The following MDGA2 variants were observed in gnomAD, a reference collection of about 807,000 sequenced individuals.
MDGA2 encodes the protein MAM domain containing glycosylphosphatidylinositol anchor 2.
MDGA2 carries 40 observed loss-of-function variants against 117.8 expected under a neutral mutation model. The ratio of observed to expected loss-of-function variants is 0.34; its 90% confidence interval spans 0.26 to 0.44. MDGA2 has a LOEUF of 0.44. MDGA2 is among the 20% of genes least tolerant of loss of function. MDGA2 has a pLI of 1.00. For synonymous variants in MDGA2, 452 were observed against 439.0 expected (o/e 1.03, Z -0.37); for missense variants, 1,123 against 1,250.6 (o/e 0.90, Z 1.54).
chr14:47,596,115 C>T (rs1390944067), intron 1 of MDGA2, among the ~76,000 whole-genome samples: 1 of 152,070 alleles, frequency 6.6e-6, no homozygotes, highest in East Asian at 1.9e-4. Flanking sequence ...ATATTTTCAC[C>T]GTGAGGGTAG....
chr14:47,338,004 G>C (rs899977993), intron 1 of MDGA2, among the ~76,000 whole-genome samples: 1 of 151,976 alleles, frequency 6.6e-6, no homozygotes, highest in Non-Finnish European at 1.5e-5. Context: ...TACATAGTCT[G>C]ATTTTCCCTT....
At chr14:47,542,764 G>A (rs770431978) in intron 1 of MDGA2, among the ~76,000 whole-genome samples, 1 of 152,142 alleles carries the variant, frequency 6.6e-6, no homozygotes, top group East Asian at 1.9e-4. Context: ...ATTCTAAGGT[G>A]CTATTATAAA....
intron 15 of MDGA2, 90 bp from the exon 16 acceptor site, chr14:46,845,961 G>A: frequency 1.1e-6 from 1 of 899,564 alleles, no homozygotes; most frequent in South Asian, 1.5e-5. Context: ...AAATAAACTT[G>A]TCAGTAATCC....
intron 6 of MDGA2, 117 bp from the exon 7 acceptor site, chr14:47,061,695 T>C (rs1338019736): frequency 3.6e-6 from 3 of 839,092 alleles, no homozygotes; most frequent in African/African-American, 3.4e-5. Context: ...AGTGTACATA[T>C]ATTTCTTTTT....
intron 14 of MDGA2, among the ~76,000 whole-genome samples, chr14:46,865,647 G>T (rs1881725176): frequency 6.6e-6 from 1 of 151,958 alleles, no homozygotes; most frequent in Non-Finnish European, 1.5e-5. Flanking sequence ...AAACCCCATT[G>T]TCTCAGCCCA....
chr14:46,948,080 G>A (rs528088376), intron 9 of MDGA2, among the ~76,000 whole-genome samples: 15 of 151,956 alleles, frequency 9.9e-5, no homozygotes, highest in African/African-American at 3.1e-4. Context: ...TATATCAACT[G>A]TTACATTTTT....
intron 2 of MDGA2, among the ~76,000 whole-genome samples, chr14:47,230,062 A>G (rs896926257): frequency 2.0e-5 from 3 of 152,088 alleles, no homozygotes; most frequent in Admixed American, 2.0e-4. Context: ...ATTATTCTCA[A>G]TCTTGTTGAA....
At chr14:47,480,357 C>A (rs912509040) in intron 1 of MDGA2, among the ~76,000 whole-genome samples, 1 of 151,886 alleles carries the variant, frequency 6.6e-6, no homozygotes, top group Non-Finnish European at 1.5e-5. Context: ...GGAAATTGTT[C>A]CTAGCATGTC....
chr14:47,014,902 C>A (rs1217774430), intron 8 of MDGA2, among the ~76,000 whole-genome samples: 1 of 152,174 alleles, frequency 6.6e-6, no homozygotes, highest in African/African-American at 2.4e-5. Context: ...AAAGGCCTAG[C>A]TTTCACCCTC....
At chr14:47,337,337 A>C (rs1050107016) in intron 1 of MDGA2, among the ~76,000 whole-genome samples, 4 of 152,080 alleles carry the variant, frequency 2.6e-5, no homozygotes, top group Non-Finnish European at 5.9e-5. Context: ...CCACTGACAG[A>C]TCAAAAGCCT....
intron 1 of MDGA2, among the ~76,000 whole-genome samples, chr14:47,463,473 A>G (rs1478159793): frequency 1.3e-5 from 2 of 152,228 alleles, no homozygotes; most frequent in African/African-American, 4.8e-5. Flanking sequence ...CTTACAACAT[A>G]TAAATATTGT....
chr14:47,340,169 C>T (rs893403038), intron 1 of MDGA2, among the ~76,000 whole-genome samples: 2 of 151,966 alleles, frequency 1.3e-5, no homozygotes, highest in Admixed American at 6.6e-5. Flanking sequence ...ATTTAGGGGT[C>T]CTCAGTTTCA....
intron 11 of MDGA2, among the ~76,000 whole-genome samples, chr14:46,877,780 G>C (rs944395865): frequency 1.3e-4 from 20 of 151,940 alleles, no homozygotes; most frequent in Admixed American, 2.6e-4. Context: ...TCAAGGTATA[G>C]AGTTTCTGAC....
chr14:47,448,756 C>T (rs987207422), intron 1 of MDGA2, among the ~76,000 whole-genome samples: 1 of 152,068 alleles, frequency 6.6e-6, no homozygotes, highest in Non-Finnish European at 1.5e-5. Context: ...TGCAGGAAAC[C>T]CCTGCATTTA....
intron 10 of MDGA2, among the ~76,000 whole-genome samples, chr14:46,919,156 T>A (rs116517289): frequency 6.6e-6 from 1 of 152,248 alleles, no homozygotes; most frequent in African/African-American, 2.4e-5. Context: ...TCGTTGGAGG[T>A]TGATCAGTCT....
chr14:46,982,014 T>C (rs1302177916), intron 8 of MDGA2, among the ~76,000 whole-genome samples: 1 of 152,226 alleles, frequency 6.6e-6, no homozygotes, highest in Non-Finnish European at 1.5e-5. Flanking sequence ...GTGATATGCA[T>C]ATAATCGGAT....
intron 5 of MDGA2, among the ~76,000 whole-genome samples, chr14:47,120,181 C>T (rs1409371209): frequency 2.6e-5 from 4 of 152,046 alleles, no homozygotes; most frequent in South Asian, 2.1e-4. Context: ...AAAGTAAAAA[C>T]GTAAAGAGTA....
intron 3 of MDGA2, among the ~76,000 whole-genome samples, chr14:47,180,633 C>T (rs1884662975): frequency 6.6e-6 from 1 of 152,072 alleles, no homozygotes; most frequent in Non-Finnish European, 1.5e-5. Flanking sequence ...GAAATACCAT[C>T]TCACAGCAGT....
chr14:47,644,320 T>G (rs1897484545), intron 1 of MDGA2, among the ~76,000 whole-genome samples: 2 of 152,210 alleles, frequency 1.3e-5, no homozygotes. Flanking sequence ...TCAACCTAAG[T>G]GTCCATGGAT....
Sources: gnomAD v4.1 joint callset for allele counts (sites outside exome capture counted in the v4.1 genomes callset) on GRCh38, gnomAD v4.1.1 for gene constraint, MANE v1.5 for transcripts, NCBI Gene and HGNC (gene_info 2026-07-23, HGNC 2026-07-21) for gene names.